The following TMPRSS11D variants were observed in gnomAD, a reference collection of about 807,000 sequenced individuals.
TMPRSS11D encodes the protein transmembrane serine protease 11D, also known as transmembrane protease serine 11D.
A neutral mutation model predicts 44.4 loss-of-function variants in TMPRSS11D; 32 were observed. The ratio of observed to expected loss-of-function variants is 0.72; its 90% confidence interval spans 0.54 to 0.97. TMPRSS11D has a LOEUF of 0.97. Ranked by LOEUF, TMPRSS11D falls within the 50% of genes least tolerant of loss-of-function variation. The pLI is 0.00. For missense variants in TMPRSS11D, 446 were observed against 502.6 expected, an observed-to-expected ratio of 0.89 and a Z score of 1.08; for synonymous variants, 179 against 177.9, an observed-to-expected ratio of 1.01 and a Z score of -0.05.
intron 7 of TMPRSS11D, among the ~76,000 whole-genome samples, chr4:67,828,142 G>T (rs1460056958): frequency 6.6e-6 from 1 of 151,830 alleles, no homozygotes; most frequent in Non-Finnish European, 1.5e-5. Context: ...GGATTTCAAA[G>T]ATTTTTGCAT....
At chr4:67,855,252 C>CAA (rs34448142) in intron 2 of TMPRSS11D, among the ~76,000 whole-genome samples, 4 of 125,782 alleles carry the variant, frequency 3.2e-5, no homozygotes, top group African/African-American at 1.2e-4. Context: ...AAGACTGTCT[C>CAA]AAAAAAAAAA....
At chr4:67,871,246 A>T (rs1719056531) in intron 1 of TMPRSS11D, among the ~76,000 whole-genome samples, 1 of 152,158 alleles carries the variant, frequency 6.6e-6, no homozygotes, top group South Asian at 2.1e-4. Context: ...ATTTAAAGAA[A>T]CTCAAAGTGT....
chr4:67,856,785 T>TA lies in TMPRSS11D; in HGVS notation c.131-2600dup, dbSNP rs200687383. On this transcript the variant is annotated intron_variant, in intron 2 of 9. Coordinates refer to ENST00000283916, the MANE Select transcript of TMPRSS11D (RefSeq NM_004262.3). ...TACAAGGACTCAAACAACTCAACAC[T>TA]AAAAAAAAATAAAAATTCCATTAAG... is the stretch of plus-strand genomic sequence containing the variant. Among the ~76,000 whole-genome samples, 338 of 149,380 alleles carry TA rather than the reference T, an allele frequency of 2.3e-3. 1 individual carries two copies. The highest frequency in any genetic ancestry group is 0.017 in the Middle Eastern group (5 of 288).
intron 1 of TMPRSS11D, among the ~76,000 whole-genome samples, chr4:67,871,086 T>C (rs1719051748): frequency 6.6e-6 from 1 of 152,096 alleles, no homozygotes; most frequent in African/African-American, 2.4e-5. Context: ...GAACTGTTCC[T>C]AGGAAGGCAT....
chr4:67,827,283 T>C lies in TMPRSS11D; in HGVS notation c.930A>G (p.Gly310=). ...IPPGSTAYVT[G]WGAQEYAGHT... The stretch of plus-strand genomic sequence containing the variant: ...TACCAGCATATTCTTGAGCGCCCCA[T>C]CCTGTTACATAAGCAGTAGAGCCAG... Residue 310 remains glycine, a synonymous_variant, in exon 8 of 10, where the codon GGA becomes GGG. Coordinates refer to ENST00000283916, the MANE Select transcript of TMPRSS11D (RefSeq NM_004262.3). 6.2e-7 allele frequency: 1 copy of C among 1,611,652 alleles called. No individual in the cohort carries two copies. The highest frequency in any genetic ancestry group is 1.1e-5 in the South Asian group (1 of 90,486).
At chr4:67,827,122 T>C in intron 8 of TMPRSS11D, 139 bp downstream of exon 8, 1 of 1,127,980 alleles carries the variant, frequency 8.9e-7, no homozygotes. Context: ...TAGCCAGAGC[T>C]TGGGCTGAGC....
intron 1 of TMPRSS11D, among the ~76,000 whole-genome samples, chr4:67,866,153 T>C (rs10015325): frequency 0.031 from 4,679 of 152,046 alleles, 237 homozygotes; most frequent in African/African-American, 0.11. Flanking sequence ...TATGCCATGG[T>C]CAACTGGGTT....
rs1160674988 is a variant in TMPRSS11D, at chr4:67,827,392, G to C, written c.821C>G (p.Ala274Gly). 11 of 1,613,166 alleles carry C rather than the reference G, an allele frequency of 6.8e-6. No individual in the cohort carries two copies. The highest frequency in any genetic ancestry group is 2.5e-6 in the Non-Finnish European group (3 of 1,179,584). The change falls in exon 8 of 10, where the codon GCA becomes GGA. Residue 274 changes from alanine (A) to glycine (G), a missense_variant. Transcript: ENST00000283916. ...YKSATHENDI[A>G]LVRLENSVTF... is the part of the protein sequence containing the mutation. The stretch of plus-strand genomic sequence containing the variant: ...GACACTGTTCTCAAGTCTCACAAGT[G>C]CAATGTCATTTTCATGAGTTGCAGA...
intron 2 of TMPRSS11D, among the ~76,000 whole-genome samples, chr4:67,856,902 T>C (rs1215742922): frequency 6.6e-6 from 1 of 152,068 alleles, no homozygotes; most frequent in Non-Finnish European, 1.5e-5. Context: ...TTGCTAATCA[T>C]CAGAGAAACA....
At chr4:67,860,563 A>G (rs929436099) in intron 1 of TMPRSS11D, 4 of 152,118 alleles carry the variant, frequency 2.6e-5, no homozygotes, top group African/African-American at 9.7e-5. Context: ...AACACCTTGA[A>G]GGTAAAGATA....
intron 4 of TMPRSS11D, 78 bp downstream of exon 4, chr4:67,842,479 TA>T: frequency 8.5e-7 from 1 of 1,180,866 alleles, no homozygotes; most frequent in African/African-American, 1.5e-5. Context: ...ACATGTCATT[TA>T]CTATTCATTC....
intron 1 of TMPRSS11D, among the ~76,000 whole-genome samples, chr4:67,880,572 C>T (rs934685697): frequency 6.6e-6 from 1 of 152,000 alleles, no homozygotes; most frequent in African/African-American, 2.4e-5. Context: ...GTAAACTTGT[C>T]AGAATAAAAA....
At chr4:67,853,794 A>G (rs1718564725) in intron 3 of TMPRSS11D, among the ~76,000 whole-genome samples, 1 of 152,246 alleles carries the variant, frequency 6.6e-6, no homozygotes, top group African/African-American at 2.4e-5. Flanking sequence ...TTAATTAAAC[A>G]AATAAAAAAC....
intron 2 of TMPRSS11D, among the ~76,000 whole-genome samples, chr4:67,854,562 GTAAT>G (rs1288561427): frequency 1.3e-5 from 2 of 152,084 alleles, no homozygotes; most frequent in Non-Finnish European, 2.9e-5. Flanking sequence ...AGAACCCAAA[GTAAT>G]TATGAAATTT....
intron 1 of TMPRSS11D, among the ~76,000 whole-genome samples, chr4:67,864,023 A>G (rs1718857326): frequency 6.6e-6 from 1 of 152,054 alleles, no homozygotes; most frequent in African/African-American, 2.4e-5. Flanking sequence ...GATGGCATGC[A>G]TGCTGTATAA....
intron 4 of TMPRSS11D, among the ~76,000 whole-genome samples, 155 bp from the exon 5 acceptor site, chr4:67,838,484 A>G (rs1718155952): frequency 6.6e-6 from 1 of 152,132 alleles, no homozygotes; most frequent in Admixed American, 6.6e-5. Context: ...ACGTAATACT[A>G]TATCACGATG....
chr4:67,883,617 AC>A (rs1197935986), intron 1 of TMPRSS11D, among the ~76,000 whole-genome samples: 1 of 152,034 alleles, frequency 6.6e-6, no homozygotes, highest in Non-Finnish European at 1.5e-5. Context: ...TAAAATCCAC[AC>A]ACCACTTTTC....
chr4:67,829,258 T>C (rs1717882550), intron 7 of TMPRSS11D, among the ~76,000 whole-genome samples: 1 of 152,080 alleles, frequency 6.6e-6, no homozygotes, highest in Non-Finnish European at 1.5e-5. Flanking sequence ...CTGGTATTAT[T>C]GCTTACAAAA....
intron 1 of TMPRSS11D, among the ~76,000 whole-genome samples, chr4:67,870,603 A>G (rs905319321): frequency 1.3e-5 from 2 of 152,032 alleles, no homozygotes; most frequent in African/African-American, 4.8e-5. Context: ...TCACGAGGTC[A>G]GGAGATCGAG....
Sources: allele counts gnomAD v4.1 joint callset (sites outside exome capture counted in the v4.1 genomes callset), GRCh38; gene constraint gnomAD v4.1.1; transcripts MANE v1.5; gene names NCBI Gene and HGNC (gene_info 2026-07-23, HGNC 2026-07-21).